MLH3: variants seen among roughly 807,000 people sequenced by gnomAD.
The protein encoded by MLH3 is mutL homolog 3, also known as DNA mismatch repair protein Mlh3.
Under a neutral mutation model 122.2 loss-of-function variants are expected in MLH3, and 82 were observed. The ratio of observed to expected loss-of-function variants is 0.67; its 90% CI spans 0.56 to 0.81. The LOEUF (loss-of-function observed/expected upper bound fraction) is 0.81, where lower values mean the gene tolerates loss of function less well. Among genes scored for constraint, MLH3 ranks in the 30% least tolerant of loss-of-function variants. MLH3 has a pLI of 0.00. For synonymous variants in MLH3, 524 were observed against 599.5 expected, an observed-to-expected ratio of 0.87 and a Z score of 1.84; for missense variants, 1,539 against 1,714.5, an observed-to-expected ratio of 0.90 and a Z score of 1.81.
At position 75,048,893 on chromosome 14, in the gene MLH3, T is replaced by A. The variant is rs748142012; in HGVS notation, c.763A>T (p.Asn255Tyr). The change falls in exon 2 of 13, where the codon AAC becomes TAC. Residue 255 changes from asparagine to tyrosine, a missense_variant. By Grantham distance (143) the Asn-to-Tyr change is moderately radical. Transcript: ENST00000355774. ...TTTGTCCTTAAAACTAGTCTTTTGT[T>A]CACAAACAAAAACTGCATATTCTTG... is the stretch of plus-strand genomic sequence containing the variant. Reference protein sequence around the residue: ...YNKNMQFLFVNKRLVLRTKLH... With the variant: ...YNKNMQFLFVYKRLVLRTKLH... The A allele has an allele frequency of 5.0e-6, 8 of 1,613,828 alleles. No homozygotes were observed. In the South Asian group the frequency reaches 8.8e-5, roughly 18 times the overall value.
At chr14:75,038,918 A>G (rs1480050066) in intron 5 of MLH3, among the ~76,000 whole-genome samples, 1 of 146,666 alleles carries the variant, frequency 6.8e-6, no homozygotes, top group Non-Finnish European at 1.5e-5. Context: ...GGCTCACTGC[A>G]AGCTCTGCCT....
chr14:75,030,462 G>T, intron 9 of MLH3, 81 bp downstream of exon 9: 1 of 1,373,716 alleles, frequency 7.3e-7, no homozygotes, highest in Non-Finnish European at 1.0e-6. Context: ...TTGAAGAAAA[G>T]ATGAATTCAG....
chr14:75,048,973 A>C lies in MLH3; in HGVS notation c.683T>G (p.Phe228Cys). ...ACTAAGCTCAAACTCTTTATATTTA[A>C]AACTTATTTCTCTTAGCTTTTGGGA... ...GKSQKLREIS[F>C]KYKEFELSGY... The change falls in exon 2 of 13, where the codon TTT (phenylalanine) becomes TGT (cysteine). Residue 228 changes from phenylalanine to cysteine, a missense_variant. Phe to Cys is a radical substitution (Grantham distance 205, BLOSUM62 -2). Coordinates refer to ENST00000355774, the MANE Select transcript of MLH3 (RefSeq NM_001040108.2). 3.7e-6 allele frequency: 6 copies of C among 1,613,692 alleles called. No individual in the cohort carries two copies. The highest frequency in any genetic ancestry group is 5.1e-6 in the Non-Finnish European group (6 of 1,179,882).
At chr14:75,039,136 C>T (rs909227050) in intron 5 of MLH3, among the ~76,000 whole-genome samples, 8 of 152,102 alleles carry the variant, frequency 5.3e-5, no homozygotes, top group Admixed American at 4.6e-4. Flanking sequence ...GGATTACAGG[C>T]GTGAGCCAGC....
chr14:75,016,980 G>T lies in MLH3; in HGVS notation c.*102C>A. The stretch of plus-strand genomic sequence containing the variant: ...TGTCTAAGCTGCTCAGGGACACTGG[G>T]CTGATTCAGTCAGGGCCGTGCTGGT... On this transcript the variant is annotated 3_prime_UTR_variant, in exon 13 of 13. Coordinates refer to ENST00000355774, the MANE Select transcript of MLH3 (RefSeq NM_001040108.2). 2 of 1,402,424 alleles carry T rather than the reference G, an allele frequency of 1.4e-6. No individual in the cohort carries two copies. The highest frequency in any genetic ancestry group is 2.0e-6 in the Non-Finnish European group (2 of 994,090). 86.9% of individuals were successfully genotyped at this position (1,402,424 alleles called of 1,614,324 possible).
At chr14:75,045,939 G>A (rs1289038220) in intron 2 of MLH3, among the ~76,000 whole-genome samples, 1 of 152,072 alleles carries the variant, frequency 6.6e-6, no homozygotes, top group African/African-American at 2.4e-5. Context: ...AACACTCTGG[G>A]AGGCCGAGGC....
rs2139309940 is a variant in MLH3, at chr14:75,020,520, A to G, written c.4091-1540T>C. 2.0e-5 allele frequency among the ~76,000 whole-genome samples: 3 copies of G among 152,308 alleles called. No individual in the cohort carries two copies. In the South Asian group the frequency reaches 6.2e-4, roughly 32 times the overall value. On this transcript the variant is annotated intron_variant, in intron 11 of 12. Transcript: ENST00000355774. ...ACATTTTGAAGGTGGCAATGATGACATTTGGTGATAGAGGAGTATGAGTCT... is the reference window on the plus strand; with the variant it reads ...ACATTTTGAAGGTGGCAATGATGACGTTTGGTGATAGAGGAGTATGAGTCT...
chr14:75,026,480 G>A (rs1376094895), intron 9 of MLH3, among the ~76,000 whole-genome samples: 1 of 152,210 alleles, frequency 6.6e-6, no homozygotes, highest in Non-Finnish European at 1.5e-5. Flanking sequence ...ATGTATCACA[G>A]AGAGAAAGCA....
At chr14:75,023,054 G>C in intron 9 of MLH3, 36 bp from the exon 10 acceptor site, 1 of 1,612,762 alleles carries the variant, frequency 6.2e-7, no homozygotes, top group Non-Finnish European at 8.5e-7. Context: ...TTAATCTACG[G>C]TTATGTTTTA....
intron 9 of MLH3, among the ~76,000 whole-genome samples, chr14:75,024,687 C>T (rs926473869): frequency 6.6e-6 from 1 of 152,162 alleles, no homozygotes; most frequent in Admixed American, 6.5e-5. Flanking sequence ...CCTCAAAACA[C>T]CAAAACTGTT....
At chr14:75,042,227 A>T in intron 3 of MLH3, 152 bp downstream of exon 3, 1 of 729,422 alleles carries the variant, frequency 1.4e-6, no homozygotes, top group African/African-American at 1.7e-5. Flanking sequence ...GCGCTGAATT[A>T]ATTAGTTCCG....
At chr14:75,040,375 G>A (rs1386065765) in intron 4 of MLH3, among the ~76,000 whole-genome samples, 6 of 141,730 alleles carry the variant, frequency 4.2e-5, no homozygotes, top group Non-Finnish European at 4.5e-5. Flanking sequence ...GTGTGAACCC[G>A]GGAGGCGGAG....
intron 2 of MLH3, among the ~76,000 whole-genome samples, chr14:75,042,788 T>G (rs1264879622): frequency 2.6e-5 from 4 of 152,040 alleles, no homozygotes; most frequent in African/African-American, 9.7e-5. Context: ...CCTTTTTTTT[T>G]TTTTTGAGAC....
Position 75,046,714 on chromosome 14 carries a change from C to T in MLH3, c.2942G>A (p.Gly981Asp). The T allele has an allele frequency of 6.2e-7, 1 of 1,614,136 alleles. No individual in the cohort carries two copies. Among genetic ancestry groups the T allele is most frequent in the Non-Finnish European group, 8.5e-7 (1 of 1,180,006 alleles). The change falls in exon 2 of 13, where the codon GGT (glycine) becomes GAT (aspartate). Residue 981 changes from glycine to aspartate, a missense_variant. By Grantham distance (94) the Gly-to-Asp change is moderately conservative. Transcript: ENST00000355774. ...VLPYNNSKVTGKDSDVLIRAS... is the reference protein window; with the variant it reads ...VLPYNNSKVTDKDSDVLIRAS... ...TCTGATAAGAACATCTGAATCTTTACCGGTAACTTTAGAATTATTATAGGG... is the reference window on the plus strand; with the variant it reads ...TCTGATAAGAACATCTGAATCTTTATCGGTAACTTTAGAATTATTATAGGG...
intron 4 of MLH3, among the ~76,000 whole-genome samples, chr14:75,041,231 T>C (rs1202075449): frequency 2.6e-5 from 4 of 151,854 alleles, no homozygotes; most frequent in East Asian, 3.9e-4. Context: ...ACTGTACCCA[T>C]CTTGAAACTC....
intron 9 of MLH3, among the ~76,000 whole-genome samples, 157 bp from the exon 10 acceptor site, chr14:75,023,175 G>C (rs1474396458): frequency 1.3e-5 from 2 of 152,126 alleles, no homozygotes; most frequent in African/African-American, 4.8e-5. Flanking sequence ...TTTGTTGTAA[G>C]GCACTTTGAA....
Position 75,049,648 on chromosome 14 carries a change from T to C in MLH3, c.8A>G (p.Lys3Arg), listed in dbSNP as rs114829239. 1.7e-3 allele frequency: 2,675 copies of C among 1,613,958 alleles called. 42 individuals carry two copies. The African/African-American group carries it at 0.028, about 17-fold the overall frequency. MIKCLSVEVQAKL... is the reference protein window; with the variant it reads MIRCLSVEVQAKL... ...GGCTTGTACTTCAACTGACAAGCAC[T>C]TGATCATGGTAGGTAGAAAGATGGT... The change falls in exon 2 of 13, where the codon AAG becomes AGG. Residue 3 changes from lysine (K) to arginine (R), a missense_variant. Physicochemically the swap from Lys to Arg is conservative, Grantham distance 26 (BLOSUM62 2). Transcript: ENST00000355774.
At position 75,046,427 on chromosome 14, in the gene MLH3, C is replaced by T. The variant is rs1892225225; in HGVS notation, c.3229G>A (p.Ala1077Thr). The T allele has an allele frequency of 6.2e-7, 1 of 1,614,034 alleles. No individual in the cohort carries two copies. Among genetic ancestry groups the T allele is most frequent in the Non-Finnish European group, 8.5e-7 (1 of 1,180,016 alleles). The change falls in exon 2 of 13, where the codon GCT (alanine) becomes ACT (threonine). Residue 1077 changes from alanine to threonine, a missense_variant. By Grantham distance (58) the Ala-to-Thr change is moderately conservative. Coordinates refer to ENST00000355774, the MANE Select transcript of MLH3 (RefSeq NM_001040108.2). ...FIAPTEDIQAACTKDLTTVAV... is the reference protein window; with the variant it reads ...FIAPTEDIQATCTKDLTTVAV... ...ACAGTTGTCAGGTCTTTAGTACAAG[C>T]AGCCTGAATGTCCTCAGTTGGGGCA... is the stretch of plus-strand genomic sequence containing the variant.
chr14:75,046,321 G>A, intron 2 of MLH3, 55 bp downstream of exon 2: 1 of 1,556,608 alleles, frequency 6.4e-7, no homozygotes, highest in Admixed American at 1.7e-5. Flanking sequence ...CTTACTCCTT[G>A]TCCAGCATTC....
Sources: allele counts gnomAD v4.1 joint callset (sites outside exome capture counted in the v4.1 genomes callset), GRCh38; gene constraint gnomAD v4.1.1; transcripts MANE v1.5; gene names NCBI Gene and HGNC (gene_info 2026-07-23, HGNC 2026-07-21).